Variants in ETV6 observed in about 807,000 individuals in gnomAD.
ETV6 encodes transcription factor ETV6.
In ETV6, 16 loss-of-function variants were observed where a neutral mutation model predicts 51.1. That is an observed-to-expected ratio of 0.31 (90% CI 0.21 to 0.48). The LOEUF (loss-of-function observed/expected upper bound fraction) is 0.48. Among genes scored for constraint, ETV6 ranks in the 20% least tolerant of loss-of-function variants. ETV6 has a pLI of 0.99. For missense variants in ETV6, 458 were observed against 594.8 expected (o/e 0.77, Z 2.39); for synonymous variants, 240 against 224.1 (o/e 1.07, Z -0.64).
chr12:11,772,371 T>TA (rs1334488058), intron 2 of ETV6, among the ~76,000 whole-genome samples: 1 of 152,236 alleles, frequency 6.6e-6, no homozygotes, highest in Non-Finnish European at 1.5e-5. Flanking sequence ...TGGGAAACCT[T>TA]ATGACTCAAC....
rs868412975 is a variant in ETV6, at chr12:11,674,720, G to A, written c.33+24560G>A. ...GACCCTGGGTGAGCCAGCTGCTTCC[G>A]CTGTTTTCCAGGAAAGCATGAGTGT... is the stretch of plus-strand genomic sequence containing the variant. On this transcript the variant is annotated intron_variant, in intron 1 of 7. Coordinates refer to ENST00000396373, the MANE Select transcript of ETV6 (RefSeq NM_001987.5). Among the ~76,000 whole-genome samples the A allele has an allele frequency of 2.7e-5, 4 of 150,630 alleles. No individual in the cohort carries two copies. In the Admixed American group the frequency reaches 2.7e-4, roughly 10 times the overall value.
intron 4 of ETV6, among the ~76,000 whole-genome samples, chr12:11,861,758 G>A (rs78030563): frequency 0.013 from 1,974 of 152,228 alleles, 52 homozygotes; most frequent in African/African-American, 0.046. Flanking sequence ...CTCAGTTAAG[G>A]GGTCATCTTG....
At chr12:11,658,999 A>AG (rs1491541107) in intron 1 of ETV6, among the ~76,000 whole-genome samples, 5 of 152,230 alleles carry the variant, frequency 3.3e-5, no homozygotes, top group Admixed American at 2.0e-4. Context: ...GAGACTTGAA[A>AG]GAGAGCATCA....
At chr12:11,760,875 T>C (rs1050816040) in intron 2 of ETV6, among the ~76,000 whole-genome samples, 1 of 82,788 alleles carries the variant, frequency 1.2e-5, no homozygotes, top group Non-Finnish European at 2.9e-5. Flanking sequence ...TATTATTATA[T>C]ATATGTGTGT....
chr12:11,727,810 ATTTT>A (rs201835834), intron 1 of ETV6, among the ~76,000 whole-genome samples: 1 of 151,432 alleles, frequency 6.6e-6, no homozygotes. Context: ...CCTTTTTTAA[ATTTT>A]TTTTTATTTT....
At chr12:11,823,708 C>T (rs1381683939) in intron 2 of ETV6, among the ~76,000 whole-genome samples, 2 of 152,086 alleles carry the variant, frequency 1.3e-5, no homozygotes, top group Admixed American at 6.5e-5. Flanking sequence ...CCTTGTGATC[C>T]GCCTGCCTCG....
chr12:11,706,222 A>G (rs554601985), intron 1 of ETV6, among the ~76,000 whole-genome samples: 1 of 152,264 alleles, frequency 6.6e-6, no homozygotes, highest in Non-Finnish European at 1.5e-5. Context: ...AGCTTTAAAA[A>G]TATTTGCTTT....
At chr12:11,682,322 G>C (rs951165541) in intron 1 of ETV6, among the ~76,000 whole-genome samples, 2 of 152,204 alleles carry the variant, frequency 1.3e-5, no homozygotes, top group African/African-American at 4.8e-5. Flanking sequence ...GACCAGTGAT[G>C]ATGAGCTTTT....
intron 2 of ETV6, among the ~76,000 whole-genome samples, chr12:11,775,117 G>A (rs1242780031): frequency 4.6e-5 from 7 of 152,332 alleles, no homozygotes; most frequent in African/African-American, 1.7e-4. Context: ...TGATGAGTTT[G>A]CTTTCCGCAG....
intron 2 of ETV6, 185 bp downstream of exon 2, chr12:11,752,764 C>A: frequency 1.7e-6 from 1 of 575,764 alleles, no homozygotes; most frequent in Non-Finnish European, 2.8e-6. Context: ...GGTTCCTGTT[C>A]CTTGTTTCTC....
At chr12:11,693,955 CCCTCAAACTAGGGAGA>C (rs1864821931) in intron 1 of ETV6, among the ~76,000 whole-genome samples, 1 of 152,184 alleles carries the variant, frequency 6.6e-6, no homozygotes. Flanking sequence ...GACCAATTCT[CCCTCAAACTAGGGAGA>C]TTATATGGCC....
At chr12:11,833,192 A>C (rs1946268357) in intron 2 of ETV6, among the ~76,000 whole-genome samples, 1 of 152,236 alleles carries the variant, frequency 6.6e-6, no homozygotes, top group Non-Finnish European at 1.5e-5. Context: ...AATGTTTTTT[A>C]AGTGATTGCT....
intron 4 of ETV6, among the ~76,000 whole-genome samples, chr12:11,860,564 CA>C (rs11413276): frequency 1.0e-4 from 14 of 135,774 alleles, no homozygotes; most frequent in South Asian, 2.3e-4. Context: ...GACTCTGTCT[CA>C]AAAAAAAAAA....
At chr12:11,773,308 C>CATAT (rs369228066) in intron 2 of ETV6, among the ~76,000 whole-genome samples, 43 of 149,498 alleles carry the variant, frequency 2.9e-4, no homozygotes, top group African/African-American at 1.1e-3. Flanking sequence ...CTCAAAGAGC[C>CATAT]ATATATATAT....
At chr12:11,812,600 C>A (rs1167821018) in intron 2 of ETV6, among the ~76,000 whole-genome samples, 2 of 152,104 alleles carry the variant, frequency 1.3e-5, no homozygotes, top group Non-Finnish European at 2.9e-5. Flanking sequence ...CATCAGACTT[C>A]GGGAGAGGAT....
chr12:11,684,978 CA>C (rs1359057491), intron 1 of ETV6, among the ~76,000 whole-genome samples: 1 of 152,112 alleles, frequency 6.6e-6, no homozygotes, highest in African/African-American at 2.4e-5. Context: ...GACGCAGGGC[CA>C]GGGGGATCCT....
chr12:11,819,690 T>C (rs932022407), intron 2 of ETV6, among the ~76,000 whole-genome samples: 21 of 152,212 alleles, frequency 1.4e-4, no homozygotes, highest in African/African-American at 5.1e-4. Flanking sequence ...TTCCTCCACA[T>C]TGAATTAATC....
rs1468436358 is a variant in ETV6, at chr12:11,892,077, A to G, written c.*1031A>G. 4 of 233,464 alleles carry G rather than the reference A, an allele frequency of 1.7e-5. No homozygotes were observed. Among genetic ancestry groups the G allele is most frequent in the Non-Finnish European group, 3.4e-5 (4 of 118,282 alleles). The allele number at this position is 233,464 out of a possible 1,614,324, so 14.5% of individuals were successfully genotyped here. On this transcript the variant is annotated 3_prime_UTR_variant, in exon 8 of 8. Transcript: ENST00000396373. ...AAAGACCACACAGGCCCAGCAGTCCAGAAACTGGGCAAAAATATTCTGCAG... is the reference window on the plus strand; with the variant it reads ...AAAGACCACACAGGCCCAGCAGTCCGGAAACTGGGCAAAAATATTCTGCAG...
chr12:11,808,990 C>G (rs1397350703), intron 2 of ETV6, among the ~76,000 whole-genome samples: 1 of 152,002 alleles, frequency 6.6e-6, no homozygotes, highest in Non-Finnish European at 1.5e-5. Flanking sequence ...ACGGCAAAAC[C>G]CTATCTCTAC....
Sources: allele counts gnomAD v4.1 joint callset (sites outside exome capture counted in the v4.1 genomes callset), GRCh38; gene constraint gnomAD v4.1.1; transcripts MANE v1.5; gene names NCBI Gene and HGNC (gene_info 2026-07-23, HGNC 2026-07-21).